DYNC2I2: variants seen among roughly 807,000 people sequenced by gnomAD.
The protein encoded by DYNC2I2 is dynein 2 intermediate chain 2, also known as cytoplasmic dynein 2 intermediate chain 2.
In DYNC2I2, 39 loss-of-function variants were observed where a neutral mutation model predicts 52.0. The ratio of observed to expected loss-of-function variants is 0.75; its 90% confidence interval spans 0.58 to 0.98. The LOEUF is 0.98. Ranked by LOEUF, DYNC2I2 falls within the 50% of genes least tolerant of loss-of-function variation. The pLI is 0.00. For missense variants in DYNC2I2, 743 were observed against 728.4 expected (o/e 1.02, Z -0.23); for synonymous variants, 359 against 321.1 (o/e 1.12, Z -1.26).
At chr9:128,635,590 A>G (rs1860389543) in intron 5 of DYNC2I2, 68 bp downstream of exon 5, 2 of 1,415,012 alleles carry the variant, frequency 1.4e-6, no homozygotes, top group Non-Finnish European at 1.9e-6. Context: ...TGACCTTCCT[A>G]GGAGAGTGGG....
the DYNC2I2 span, among the ~76,000 whole-genome samples, chr9:128,667,958 CTTTTTTT>C: frequency 3.8e-5 from 2 of 52,876 alleles, no homozygotes; most frequent in South Asian, 6.4e-4. Context: ...GTCTCGATCT[CTTTTTTT>C]TTTTTTTTTT....
At chr9:128,659,218 A>T (rs1349772120), upstream of DYNC2I2, among the ~76,000 whole-genome samples, 3 of 151,806 alleles carry the variant, frequency 2.0e-5, no homozygotes, top group Non-Finnish European at 2.9e-5. Flanking sequence ...ACTTTTTAAA[A>T]ACTCATTAAG....
At chr9:128,668,342 C>G in the DYNC2I2 span, among the ~76,000 whole-genome samples, 1 of 151,036 alleles carries the variant, frequency 6.6e-6, no homozygotes, top group South Asian at 2.1e-4. Context: ...TGCGTCTGGC[C>G]ACAACGCCCA....
chr9:128,655,448 T>C (rs1319361309), intron 1 of DYNC2I2, among the ~76,000 whole-genome samples: 2 of 138,444 alleles, frequency 1.4e-5, no homozygotes, highest in Non-Finnish European at 3.1e-5. Context: ...GAGGCGGAGC[T>C]TGCAGTGAGC....
intron 1 of DYNC2I2, among the ~76,000 whole-genome samples, chr9:128,656,327 G>C (rs1860823215): frequency 6.6e-6 from 1 of 151,968 alleles, no homozygotes; most frequent in Non-Finnish European, 1.5e-5. Context: ...TCCACTTTTT[G>C]TTGTTAAAAA....
intron 1 of DYNC2I2, among the ~76,000 whole-genome samples, chr9:128,642,327 G>C (rs965783821): frequency 6.7e-6 from 1 of 149,678 alleles, no homozygotes; most frequent in Non-Finnish European, 1.5e-5. Flanking sequence ...GTGGTGGCGC[G>C]TGCCTGTAAT....
the DYNC2I2 span, among the ~76,000 whole-genome samples, chr9:128,664,631 C>A: frequency 6.6e-6 from 1 of 151,238 alleles, no homozygotes; most frequent in African/African-American, 2.4e-5. Context: ...TTTACAGGTG[C>A]CTGCCACCAC....
chr9:128,643,444 T>C (rs1372672130), intron 1 of DYNC2I2, among the ~76,000 whole-genome samples: 1 of 151,666 alleles, frequency 6.6e-6, no homozygotes, highest in Non-Finnish European at 1.5e-5. Flanking sequence ...GGAGAATCGC[T>C]TGAACTTGGG....
At chr9:128,660,588 G>T (rs2132198174), upstream of DYNC2I2, among the ~76,000 whole-genome samples, 1 of 151,724 alleles carries the variant, frequency 6.6e-6, no homozygotes, top group East Asian at 1.9e-4. Flanking sequence ...GTAGAGACAG[G>T]CTTTCACCAT....
chr9:128,635,043 C>A, intron 6 of DYNC2I2, 49 bp downstream of exon 6: 1 of 1,589,794 alleles, frequency 6.3e-7, no homozygotes. Flanking sequence ...CCTTCCCACC[C>A]CCAAGGCTCA....
chr9:128,635,885 T>A (rs1860399540), intron 4 of DYNC2I2, 118 bp from the exon 5 acceptor site: 4 of 951,992 alleles, frequency 4.2e-6, no homozygotes, highest in Non-Finnish European at 6.5e-6. Flanking sequence ...GCAGAGCCAC[T>A]TGGCTGGAAG....
chr9:128,647,474 G>A (rs1279128901), intron 1 of DYNC2I2, among the ~76,000 whole-genome samples: 1 of 152,104 alleles, frequency 6.6e-6, no homozygotes, highest in African/African-American at 2.4e-5. Context: ...TATGGCTCAC[G>A]CCTGCAATCC....
the DYNC2I2 span, among the ~76,000 whole-genome samples, chr9:128,666,838 G>A: frequency 3.9e-5 from 6 of 152,110 alleles, no homozygotes; most frequent in Admixed American, 3.9e-4. Flanking sequence ...AAGCTAAGGT[G>A]GATGGATCAC....
chr9:128,673,706 C>T, the DYNC2I2 span, among the ~76,000 whole-genome samples: 23 of 151,986 alleles, frequency 1.5e-4, 1 homozygote, highest in East Asian at 2.9e-3. Flanking sequence ...TGGGGTTTCA[C>T]CGTGTTAGCA....
chr9:128,638,828 G>A (rs1860460241), intron 2 of DYNC2I2, among the ~76,000 whole-genome samples: 1 of 152,216 alleles, frequency 6.6e-6, no homozygotes, highest in Non-Finnish European at 1.5e-5. Context: ...AAATGAATGT[G>A]GTCTGTCCAT....
chr9:128,677,236 GA>G, the DYNC2I2 span, among the ~76,000 whole-genome samples: 1 of 147,906 alleles, frequency 6.8e-6, no homozygotes, highest in Non-Finnish European at 1.5e-5. Context: ...AAAAAAGAAA[GA>G]AAAAAGTTCA....
In DYNC2I2 at chr9:128,644,956, G is replaced by A. The variant is rs531779196; in HGVS notation, c.187-4017C>T. Among the ~76,000 whole-genome samples the A allele has an allele frequency of 4.6e-5, 7 of 152,262 alleles. No individual in the cohort carries two copies. In the South Asian group the frequency reaches 8.3e-4, roughly 18 times the overall value. Reference sequence around the variant, plus strand: ...CCTACATGAGATGGTGAACTTCATCGATAAATGTTGCGTGTGATTTGACGG... The same window carrying A: ...CCTACATGAGATGGTGAACTTCATCAATAAATGTTGCGTGTGATTTGACGG... On this transcript the variant is annotated intron_variant, in intron 1 of 8. Transcript: ENST00000372715.
intron 1 of DYNC2I2, among the ~76,000 whole-genome samples, chr9:128,654,469 C>G (rs1436098032): frequency 6.6e-6 from 1 of 152,156 alleles, no homozygotes; most frequent in East Asian, 1.9e-4. Context: ...TCTGACCTCA[C>G]CTGGGACCAC....
At chr9:128,635,890 TG>T (rs1860399668) in intron 4 of DYNC2I2, 123 bp from the exon 5 acceptor site, 2 of 894,296 alleles carry the variant, frequency 2.2e-6, no homozygotes, top group Admixed American at 2.2e-5. Flanking sequence ...GCCACTTGGC[TG>T]GAAGTCATCC....
Sources: gnomAD v4.1 joint callset for allele counts (sites outside exome capture counted in the v4.1 genomes callset) on GRCh38, gnomAD v4.1.1 for gene constraint, MANE v1.5 for transcripts, NCBI Gene and HGNC (gene_info 2026-07-23, HGNC 2026-07-21) for gene names.